MATCAP2: variants seen among roughly 807,000 people sequenced by gnomAD.
MATCAP2 encodes microtubule associated tyrosine carboxypeptidase 2.
At chr7:36,366,293 T>A in the MATCAP2 span, among the ~76,000 whole-genome samples, 1 of 152,204 alleles carries the variant, frequency 6.6e-6, no homozygotes, top group Non-Finnish European at 1.5e-5. Flanking sequence ...CATAGCGATT[T>A]ACAAATAATA....
chr7:36,387,608 T>C, the MATCAP2 span, among the ~76,000 whole-genome samples: 9 of 152,272 alleles, frequency 5.9e-5, no homozygotes, highest in African/African-American at 1.9e-4. Context: ...TAGTAGGTGT[T>C]TCAGTCTTAG....
chr7:36,384,569 G>A, the MATCAP2 span, among the ~76,000 whole-genome samples: 4 of 152,340 alleles, frequency 2.6e-5, 1 homozygote, highest in South Asian at 8.3e-4. Flanking sequence ...GGAAGGCCTA[G>A]CTAATAAACA....
chr7:36,346,271 A>G, the MATCAP2 span, among the ~76,000 whole-genome samples: 1 of 152,252 alleles, frequency 6.6e-6, no homozygotes, highest in Non-Finnish European at 1.5e-5. Flanking sequence ...TGTACTAACA[A>G]GTCCACTACT....
At chr7:36,384,545 C>A in the MATCAP2 span, among the ~76,000 whole-genome samples, 1 of 152,178 alleles carries the variant, frequency 6.6e-6, no homozygotes, top group Non-Finnish European at 1.5e-5. Context: ...ACTGCCACAG[C>A]TTACACTGTA....
chr7:36,389,673 T>C, the MATCAP2 span: 1 of 238,848 alleles, frequency 4.2e-6, no homozygotes, highest in Non-Finnish European at 8.0e-6. Context: ...AGCGCCCCGC[T>C]GCCCGCCTCC....
At chr7:36,374,571 G>T in the MATCAP2 span, among the ~76,000 whole-genome samples, 2 of 151,526 alleles carry the variant, frequency 1.3e-5, no homozygotes, top group Non-Finnish European at 2.9e-5. Context: ...TAAGTTCTAG[G>T]GTGCATGTGC....
At chr7:36,327,017 A>G in the MATCAP2 span, 3 of 1,021,630 alleles carry the variant, frequency 2.9e-6, no homozygotes, top group Non-Finnish European at 4.2e-6. Context: ...TATACAGATC[A>G]TTTGTCAAAT....
the MATCAP2 span, among the ~76,000 whole-genome samples, chr7:36,388,293 A>T: frequency 6.7e-6 from 1 of 148,682 alleles, no homozygotes; most frequent in Admixed American, 6.8e-5. Context: ...GACTCCCCAC[A>T]AAGGTTAAAA....
the MATCAP2 span, among the ~76,000 whole-genome samples, chr7:36,377,889 G>A: frequency 2.6e-5 from 4 of 151,914 alleles, no homozygotes; most frequent in East Asian, 3.9e-4. Flanking sequence ...CCACTTGATC[G>A]AATCAGCTAT....
the MATCAP2 span, among the ~76,000 whole-genome samples, chr7:36,349,708 G>A: frequency 9.9e-5 from 15 of 152,270 alleles, no homozygotes; most frequent in African/African-American, 3.4e-4. Flanking sequence ...ACCTACAAGG[G>A]GAAAAGCAGA....
the MATCAP2 span, among the ~76,000 whole-genome samples, chr7:36,366,326 G>A: frequency 6.6e-6 from 1 of 152,134 alleles, no homozygotes; most frequent in African/African-American, 2.4e-5. Flanking sequence ...TGTGCTCCCA[G>A]AGATTGAACT....
the MATCAP2 span, chr7:36,366,809 G>C: frequency 1.3e-6 from 2 of 1,524,322 alleles, no homozygotes; most frequent in African/African-American, 1.4e-5. Context: ...GCAGGGTGGA[G>C]TCCCGAGCGG....
the MATCAP2 span, among the ~76,000 whole-genome samples, chr7:36,328,327 G>T: frequency 6.7e-6 from 1 of 150,294 alleles, no homozygotes; most frequent in South Asian, 2.1e-4. Context: ...CCAAAGTGCT[G>T]TGATTACAGG....
At chr7:36,327,928 A>C in the MATCAP2 span, among the ~76,000 whole-genome samples, 14 of 152,166 alleles carry the variant, frequency 9.2e-5, no homozygotes, top group Non-Finnish European at 1.3e-4. Flanking sequence ...TGTGATTTGT[A>C]TTACATCTTC....
At chr7:36,387,900 G>A in the MATCAP2 span, among the ~76,000 whole-genome samples, 55 of 151,770 alleles carry the variant, frequency 3.6e-4, no homozygotes, top group African/African-American at 1.3e-3. Context: ...ACACAGACAC[G>A]CCCCAAATAC....
At chr7:36,345,248 GTTA>G in the MATCAP2 span, among the ~76,000 whole-genome samples, 1 of 152,124 alleles carries the variant, frequency 6.6e-6, no homozygotes, top group Non-Finnish European at 1.5e-5. Context: ...TTACTAAATT[GTTA>G]TTATCTCTAT....
the MATCAP2 span, chr7:36,389,688 C>G: frequency 2.3e-3 from 587 of 259,064 alleles, 3 homozygotes; most frequent in African/African-American, 0.013. Context: ...GCCTCCACCC[C>G]GCGGCGAGGG....
chr7:36,327,259 C>G, the MATCAP2 span, among the ~76,000 whole-genome samples: 1 of 152,144 alleles, frequency 6.6e-6, no homozygotes. Context: ...CTGCCTCAGC[C>G]TCCTGAGTAG....
At chr7:36,357,285 C>G in the MATCAP2 span, 1 of 1,614,178 alleles carries the variant, frequency 6.2e-7, no homozygotes, top group Non-Finnish European at 8.5e-7. Context: ...TACCAAGTAC[C>G]ACTGCTTGTC....
Sources: gnomAD v4.1 joint callset for allele counts (sites outside exome capture counted in the v4.1 genomes callset) on GRCh38, gnomAD v4.1.1 for gene constraint, MANE v1.5 for transcripts, NCBI Gene and HGNC (gene_info 2026-07-23, HGNC 2026-07-21) for gene names.